ATP6V1E2: variants seen among roughly 807,000 people sequenced by gnomAD.
ATP6V1E2 encodes the protein V-type proton ATPase subunit E 2.
For synonymous variants in ATP6V1E2, 121 were observed against 104.2 expected, an observed-to-expected ratio of 1.16 and a Z score of -0.98; for missense variants, 308 against 273.3, an observed-to-expected ratio of 1.13 and a Z score of -0.90.
chr2:46,512,885 ACCCCT>A, intron 4 of ATP6V1E2, 73 bp from the exon 5 acceptor site: 1 of 588,000 alleles, frequency 1.7e-6, no homozygotes, highest in South Asian at 2.3e-5. Context: ...CTGTATATAT[ACCCCT>A]CACTTCACAG....
At chr2:46,519,102 C>CT (rs1666471768) in intron 4 of ATP6V1E2, 1 of 152,218 alleles carries the variant, frequency 6.6e-6, no homozygotes, top group African/African-American at 2.4e-5. Context: ...AAGAGCCAGG[C>CT]TGTCACTGGG....
intron 2 of ATP6V1E2, among the ~76,000 whole-genome samples, chr2:46,540,903 CCCCA>C (rs1667725311): frequency 6.6e-6 from 1 of 152,184 alleles, no homozygotes; most frequent in South Asian, 2.1e-4. Context: ...GACATCAGTT[CCCCA>C]CTGGGAATGC....
chr2:46,525,053 A>G (rs549990810), intron 4 of ATP6V1E2, among the ~76,000 whole-genome samples: 18 of 152,190 alleles, frequency 1.2e-4, no homozygotes, highest in Non-Finnish European at 2.4e-4. Flanking sequence ...GAGGGCCAGG[A>G]CACAAGACAA....
intron 2 of ATP6V1E2, among the ~76,000 whole-genome samples, chr2:46,540,213 G>A (rs540139571): frequency 6.6e-6 from 1 of 152,184 alleles, no homozygotes; most frequent in African/African-American, 2.4e-5. Context: ...TTTGAACTCA[G>A]GAGTTCGAGA....
intron 4 of ATP6V1E2, among the ~76,000 whole-genome samples, chr2:46,525,092 G>C (rs1416405209): frequency 2.0e-5 from 3 of 152,184 alleles, no homozygotes; most frequent in Non-Finnish European, 4.4e-5. Context: ...AAGAGATGTG[G>C]CCCACAAGCT....
At chr2:46,527,363 A>G (rs531360043) in intron 4 of ATP6V1E2, among the ~76,000 whole-genome samples, 311 of 152,254 alleles carry the variant, frequency 2.0e-3, no homozygotes, top group African/African-American at 7.1e-3. Context: ...CTGGGACTAC[A>G]GGCACCTGCC....
At chr2:46,514,752 C>T (rs1276354324) in intron 4 of ATP6V1E2, among the ~76,000 whole-genome samples, 1 of 151,986 alleles carries the variant, frequency 6.6e-6, no homozygotes, top group Non-Finnish European at 1.5e-5. Context: ...AAATAATGGC[C>T]AAAACTTCTC....
In ATP6V1E2 at chr2:46,512,453, G is replaced by T; in HGVS notation, c.259C>A (p.Arg87=). Residue 87 remains arginine, a synonymous_variant, in exon 5 of 5, where the codon CGA becomes AGA. Transcript: ENST00000522587. Reference sequence around the variant, plus strand: ...AGCAAATCTGAGATGAGGTCATTTCGGGCTCTCAGGACTTTCAGCCTCGCC... The same window carrying T: ...AGCAAATCTGAGATGAGGTCATTTCTGGCTCTCAGGACTTTCAGCCTCGCC... ...NQARLKVLRA[R]NDLISDLLSE... The T allele has an allele frequency of 6.2e-7, 1 of 1,614,098 alleles. No individual in the cohort carries two copies. Among genetic ancestry groups the T allele is most frequent in the Non-Finnish European group, 8.5e-7 (1 of 1,180,018 alleles).
chr2:46,524,632 G>C (rs1326418478), intron 4 of ATP6V1E2, among the ~76,000 whole-genome samples: 1 of 152,168 alleles, frequency 6.6e-6, no homozygotes, highest in Non-Finnish European at 1.5e-5. Context: ...CTTCAGCCGA[G>C]GTAGCAGCCC....
intron 4 of ATP6V1E2, among the ~76,000 whole-genome samples, chr2:46,533,274 G>GT (rs143134377): frequency 5.1e-3 from 779 of 151,272 alleles, no homozygotes; most frequent in Non-Finnish European, 8.4e-3. Flanking sequence ...GGGTTTTTTT[G>GT]TTTTGTTTTG....
chr2:46,519,434 G>C (rs1666489165), intron 4 of ATP6V1E2: 1 of 152,236 alleles, frequency 6.6e-6, no homozygotes, highest in Non-Finnish European at 1.5e-5. Context: ...CTTTAAGAGA[G>C]CCACACCCAC....
Position 46,512,338 on chromosome 2 carries a change from A to T in ATP6V1E2, c.374T>A (p.Leu125His), listed in dbSNP as rs745521292. ...LLDKLVLQGL[L>H]RLLEPVMIVR... ...AATCATCACAGGTTCCAGCAGTCGG[A>T]GCAGACCCTGGAGCACCAGTTTATC... Residue 125 changes from leucine (L) to histidine (H), a missense_variant, in exon 5 of 5, where the codon CTC becomes CAC. Transcript: ENST00000522587. 3 of 1,613,772 alleles carry T rather than the reference A, an allele frequency of 1.9e-6. No homozygotes were observed. The highest frequency in any genetic ancestry group is 2.5e-6 in the Non-Finnish European group (3 of 1,179,854).
chr2:46,526,185 G>A (rs1216026348), intron 4 of ATP6V1E2, among the ~76,000 whole-genome samples: 3 of 151,572 alleles, frequency 2.0e-5, no homozygotes, highest in Non-Finnish European at 2.9e-5. Flanking sequence ...GTGTGATCTC[G>A]GCTCACTACA....
intron 4 of ATP6V1E2, among the ~76,000 whole-genome samples, chr2:46,533,135 A>G (rs1667264271): frequency 6.7e-6 from 1 of 149,384 alleles, no homozygotes; most frequent in Non-Finnish European, 1.5e-5. Flanking sequence ...GTTATATTAT[A>G]TACCTAACAT....
At chr2:46,512,958 G>C (rs894942160) in intron 4 of ATP6V1E2, 146 bp from the exon 5 acceptor site, 2 of 444,114 alleles carry the variant, frequency 4.5e-6, no homozygotes, top group African/African-American at 4.0e-5. Context: ...TACTCTAGAA[G>C]AATGAGACTT....
At position 46,512,692 on chromosome 2, in the gene ATP6V1E2, T is replaced by C; in HGVS notation, c.20A>G (p.Asp7Gly). The part of the protein sequence containing the change: MALSDV[D>G]VKKQIKHMMA... ...CATGTGCTTAATCTGCTTTTTCACA[T>C]CGACATCACTCAGGGCCATGGCTGC... Residue 7 changes from aspartate (D) to glycine (G), a missense_variant, in exon 5 of 5, where the codon GAT becomes GGT. Physicochemically the swap from Asp to Gly is moderately conservative, Grantham distance 94. Transcript: ENST00000522587. The C allele has an allele frequency of 6.2e-7, 1 of 1,613,038 alleles. No individual in the cohort carries two copies. Among genetic ancestry groups the C allele is most frequent in the Non-Finnish European group, 8.5e-7 (1 of 1,179,738 alleles).
At chr2:46,532,582 G>A (rs1326675342) in intron 4 of ATP6V1E2, among the ~76,000 whole-genome samples, 2 of 152,162 alleles carry the variant, frequency 1.3e-5, no homozygotes, top group Non-Finnish European at 2.9e-5. Context: ...TAATTTGGAA[G>A]GGGAGAGCCC....
At chr2:46,526,287 G>C (rs1666916643) in intron 4 of ATP6V1E2, among the ~76,000 whole-genome samples, 1 of 152,042 alleles carries the variant, frequency 6.6e-6, no homozygotes, top group Non-Finnish European at 1.5e-5. Flanking sequence ...GGCTAATTAT[G>C]TATTTGTAGT....
intron 4 of ATP6V1E2, among the ~76,000 whole-genome samples, chr2:46,531,728 G>A (rs1667190489): frequency 6.6e-6 from 1 of 152,156 alleles, no homozygotes. Flanking sequence ...ATCCTAGTGG[G>A]TGTAAAGGGG....
Sources: allele counts gnomAD v4.1 joint callset (sites outside exome capture counted in the v4.1 genomes callset), GRCh38; gene constraint gnomAD v4.1.1; transcripts MANE v1.5; gene names NCBI Gene and HGNC (gene_info 2026-07-23, HGNC 2026-07-21).